ALLC: variants seen among roughly 807,000 people sequenced by gnomAD.
The protein encoded by ALLC is probable inactive allantoicase.
A neutral mutation model predicts 45.0 loss-of-function variants in ALLC; 40 were observed. The ratio of observed to expected loss-of-function variants is 0.89; its 90% confidence interval spans 0.69 to 1.16. The LOEUF (loss-of-function observed/expected upper bound fraction) is 1.16, where lower values mean the gene tolerates loss of function less well. ALLC is among the 50% of genes most tolerant of loss of function. ALLC has a pLI of 0.00. For missense variants in ALLC, 488 were observed against 493.1 expected (o/e 0.99, Z 0.10); for synonymous variants, 176 against 178.1 (o/e 0.99, Z 0.09).
chr2:3,655,246 A>G (rs1666414737), upstream of ALLC, among the ~76,000 whole-genome samples: 1 of 152,210 alleles, frequency 6.6e-6, no homozygotes, highest in African/African-American at 2.4e-5. Context: ...AGTGACACCC[A>G]TCACCTTTGC....
intron 1 of ALLC, among the ~76,000 whole-genome samples, chr2:3,659,983 A>G (rs935483563): frequency 1.3e-5 from 2 of 151,834 alleles, no homozygotes; most frequent in Non-Finnish European, 2.9e-5. Context: ...GGGTGGGGAG[A>G]CTTTTCACAT....
intron 7 of ALLC, chr2:3,688,960 T>C (rs1558545077): frequency 6.0e-6 from 1 of 167,892 alleles, no homozygotes; most frequent in Non-Finnish European, 1.3e-5. Context: ...TGGCCAAATT[T>C]GTTTACTCTG....
At chr2:3,668,475 G>T (rs1666783732) in intron 1 of ALLC, among the ~76,000 whole-genome samples, 2 of 151,626 alleles carry the variant, frequency 1.3e-5, no homozygotes, top group South Asian at 4.2e-4. Flanking sequence ...CATGTGTTGG[G>T]GATATTTCAT....
At position 3,701,584 on chromosome 2, in the gene ALLC, A is replaced by G. The variant is rs959895384; in HGVS notation, c.923A>G (p.Gln308Arg). ...TTQEEEAVIR[Q>R]KWILPAHKWK... Reference sequence around the variant, plus strand: ...CAGGAAGAAGAAGCCGTGATCAGGCAAAAGTGGATTCTCCCGGCCCACAAG... The same window carrying G: ...CAGGAAGAAGAAGCCGTGATCAGGCGAAAGTGGATTCTCCCGGCCCACAAG... Residue 308 changes from glutamine to arginine, a missense_variant, in exon 11 of 12, where the codon CAA becomes CGA. Coordinates refer to ENST00000252505, the MANE Select transcript of ALLC (RefSeq NM_018436.4). 5 of 1,609,856 alleles carry G rather than the reference A, an allele frequency of 3.1e-6. No homozygotes were observed. The South Asian group carries it at 4.5e-5, about 14-fold the overall frequency.
chr2:3,668,865 C>T (rs971409262), intron 1 of ALLC, among the ~76,000 whole-genome samples: 23 of 151,748 alleles, frequency 1.5e-4, no homozygotes, highest in East Asian at 2.0e-4. Flanking sequence ...AGTGAGCCAC[C>T]GCGCCTGGCC....
intron 1 of ALLC, 30 bp from the exon 2 acceptor site, chr2:3,671,066 A>C: frequency 7.0e-7 from 1 of 1,422,250 alleles, no homozygotes; most frequent in South Asian, 1.2e-5. Context: ...GCAGCCCCCA[A>C]GGTTGACCGA....
intron 7 of ALLC, among the ~76,000 whole-genome samples, chr2:3,684,758 C>G (rs1572522495): frequency 6.6e-6 from 1 of 152,046 alleles, no homozygotes; most frequent in South Asian, 2.1e-4. Context: ...GCATAGTATT[C>G]CATGGTATAT....
the ALLC span, among the ~76,000 whole-genome samples, chr2:3,651,825 C>T: frequency 6.6e-6 from 1 of 152,088 alleles, no homozygotes; most frequent in Admixed American, 6.5e-5. Context: ...GCTATTCATC[C>T]GGATGCTCCT....
chr2:3,691,661 A>T (rs1363799428), intron 7 of ALLC, among the ~76,000 whole-genome samples: 1 of 152,170 alleles, frequency 6.6e-6, no homozygotes, highest in African/African-American at 2.4e-5. Context: ...TTATGTCTTT[A>T]TCAAGTTTTG....
chr2:3,669,643 A>G (rs926598400), intron 1 of ALLC, among the ~76,000 whole-genome samples: 1 of 152,030 alleles, frequency 6.6e-6, no homozygotes, highest in Non-Finnish European at 1.5e-5. Context: ...GGGAGACTCC[A>G]TCTCAAAAAT....
At chr2:3,653,702 TCAAGCTCAC>T (rs975383437), upstream of ALLC, among the ~76,000 whole-genome samples, 4 of 151,936 alleles carry the variant, frequency 2.6e-5, no homozygotes, top group African/African-American at 9.7e-5. This position sits in a 1 kb window ranked among gnomAD's most constrained non-coding sequence, Gnocchi z 4.1. Context: ...CTTGATGACC[TCAAGCTCAC>T]CTCGTTTCCC....
At chr2:3,650,206 C>G in the ALLC span, among the ~76,000 whole-genome samples, 1 of 152,204 alleles carries the variant, frequency 6.6e-6, no homozygotes, top group African/African-American at 2.4e-5. Flanking sequence ...GGGACACCTC[C>G]TGGAGGAGGG....
At chr2:3,672,564 TGGG>T (rs1666913493) in intron 2 of ALLC, among the ~76,000 whole-genome samples, 2 of 99,258 alleles carry the variant, frequency 2.0e-5, no homozygotes, top group Non-Finnish European at 2.1e-5. Context: ...TCTGGTTAGA[TGGG>T]AGGTCCCCTG....
chr2:3,661,407 G>A (rs947260926), intron 1 of ALLC, among the ~76,000 whole-genome samples: 1 of 152,206 alleles, frequency 6.6e-6, no homozygotes, highest in African/African-American at 2.4e-5. Flanking sequence ...ATTAAGCTTG[G>A]CCTGTGGGGG....
chr2:3,667,244 G>T (rs1572507257), intron 1 of ALLC, among the ~76,000 whole-genome samples: 1 of 152,302 alleles, frequency 6.6e-6, no homozygotes, highest in South Asian at 2.1e-4. Flanking sequence ...CCTCGAGGGG[G>T]CCTCTGTCAC....
chr2:3,684,643 AT>A (rs1359998580), intron 7 of ALLC, among the ~76,000 whole-genome samples: 2 of 152,118 alleles, frequency 1.3e-5, no homozygotes, highest in Non-Finnish European at 2.9e-5. Flanking sequence ...AACTGAGAAC[AT>A]ATGATGTTTG....
At chr2:3,686,158 AG>A (rs1322306479) in intron 7 of ALLC, among the ~76,000 whole-genome samples, 3 of 151,068 alleles carry the variant, frequency 2.0e-5, no homozygotes, top group Non-Finnish European at 4.4e-5. Context: ...ATTTTGCATA[AG>A]GTGAGAGATA....
chr2:3,692,752 C>T (rs1191906667), intron 7 of ALLC, among the ~76,000 whole-genome samples: 1 of 152,178 alleles, frequency 6.6e-6, no homozygotes, highest in Non-Finnish European at 1.5e-5. Context: ...TTGGTGTTTC[C>T]TCTGGCTGAG....
chr2:3,671,289 C>A, intron 2 of ALLC, 99 bp downstream of exon 2: 1 of 1,409,446 alleles, frequency 7.1e-7, no homozygotes, highest in Non-Finnish European at 9.8e-7. Context: ...CAACAAGAAT[C>A]AGGCTGAAGT....
Sources: allele counts gnomAD v4.1 joint callset (sites outside exome capture counted in the v4.1 genomes callset), GRCh38; gene constraint gnomAD v4.1.1; non-coding constraint Gnocchi (gnomAD v3.1); transcripts MANE v1.5; gene names NCBI Gene and HGNC (gene_info 2026-07-23, HGNC 2026-07-21).